DGKB: variants seen among roughly 807,000 people sequenced by gnomAD.
DGKB encodes the protein 90 kDa diacylglycerol kinase.
A neutral mutation model predicts 114.3 loss-of-function variants in DGKB; 67 were observed. The ratio of observed to expected loss-of-function variants is 0.59; its 90% CI spans 0.48 to 0.72. DGKB has a LOEUF of 0.72. Among genes scored for constraint, DGKB ranks in the 30% least tolerant of loss-of-function variants. DGKB has a pLI of 0.00. For synonymous variants in DGKB, 398 were observed against 323.1 expected, an observed-to-expected ratio of 1.23 and a Z score of -2.49; for missense variants, 907 against 975.2, an observed-to-expected ratio of 0.93 and a Z score of 0.93.
At chr7:14,285,400 G>C (rs913813784) in intron 23 of DGKB, among the ~76,000 whole-genome samples, 1 of 152,178 alleles carries the variant, frequency 6.6e-6, no homozygotes, top group African/African-American at 2.4e-5. Context: ...GTCTCATACA[G>C]AAATGCCCTT....
chr7:14,176,621 G>A lies in DGKB; in HGVS notation c.2304+218C>T, dbSNP rs571866677. On this transcript the variant is annotated intron_variant, in intron 25 of 25. Transcript: ENST00000402815. ...ATTTAAAAGATCTATTTATACTTAG[G>A]CTAACACAAACATTCAAGAGCTAAA... The A allele has an allele frequency of 5.1e-5, 65 of 1,281,014 alleles. No homozygotes were observed. In the African/African-American group the frequency reaches 9.1e-4, roughly 18 times the overall value. The allele number at this position is 1,281,014 out of a possible 1,614,324, so 79.4% of individuals were successfully genotyped here.
intron 21 of DGKB, among the ~76,000 whole-genome samples, chr7:14,351,374 C>T (rs973095604): frequency 6.6e-6 from 1 of 152,130 alleles, no homozygotes; most frequent in African/African-American, 2.4e-5. Context: ...AAAAGCACTC[C>T]CAGAGTAGCT....
At chr7:14,397,715 G>A (rs891423739) in intron 21 of DGKB, among the ~76,000 whole-genome samples, 1 of 151,872 alleles carries the variant, frequency 6.6e-6, no homozygotes, top group South Asian at 2.1e-4. Flanking sequence ...GTTTGGTTAC[G>A]TTTTGTTTCA....
At chr7:14,807,522 T>A (rs1761280073) in intron 2 of DGKB, among the ~76,000 whole-genome samples, 1 of 151,994 alleles carries the variant, frequency 6.6e-6, no homozygotes, top group South Asian at 2.1e-4. Context: ...TATGAAGAAT[T>A]AGAATTCAAA....
At chr7:14,595,980 T>G (rs1040180995) in intron 17 of DGKB, among the ~76,000 whole-genome samples, 3 of 152,154 alleles carry the variant, frequency 2.0e-5, no homozygotes, top group African/African-American at 7.2e-5. Flanking sequence ...TTCAATTTTT[T>G]GTTCAATGAC....
At chr7:14,267,166 A>G (rs1352248729) in intron 23 of DGKB, among the ~76,000 whole-genome samples, 3 of 152,054 alleles carry the variant, frequency 2.0e-5, no homozygotes. Flanking sequence ...TGACCAAAAG[A>G]AAAAAACAGA....
intron 1 of DGKB, among the ~76,000 whole-genome samples, chr7:14,973,538 CTTTT>C (rs1221267709): frequency 2.4e-4 from 28 of 119,098 alleles, no homozygotes; most frequent in African/African-American, 7.0e-4. Context: ...TTTTTTTTTT[CTTTT>C]TTTTTTCTTT....
chr7:14,484,315 A>G (rs916802488), intron 20 of DGKB, among the ~76,000 whole-genome samples: 1 of 152,172 alleles, frequency 6.6e-6, no homozygotes, highest in Admixed American at 6.6e-5. Context: ...ACGCGACAAT[A>G]TAGTGTAGAT....
intron 4 of DGKB, among the ~76,000 whole-genome samples, chr7:14,750,834 T>G (rs10234845): frequency 0.23 from 28,812 of 125,032 alleles, 4,546 homozygotes; most frequent in African/African-American, 0.43. Flanking sequence ...AGAGTCTCAC[T>G]CTGTTGTTGC....
At chr7:14,821,390 C>T (rs1170122645) in intron 2 of DGKB, among the ~76,000 whole-genome samples, 2 of 152,078 alleles carry the variant, frequency 1.3e-5, no homozygotes, top group African/African-American at 2.4e-5. Context: ...AATCCAATCA[C>T]ATTAACTGTG....
intron 2 of DGKB, among the ~76,000 whole-genome samples, chr7:14,821,792 G>A (rs1057124390): frequency 2.0e-5 from 3 of 152,174 alleles, no homozygotes; most frequent in African/African-American, 4.8e-5. Flanking sequence ...TGGAGGACAT[G>A]TTGGAGAGAG....
chr7:14,828,108 C>A (rs925769952), intron 2 of DGKB, among the ~76,000 whole-genome samples: 20 of 151,904 alleles, frequency 1.3e-4, no homozygotes, highest in African/African-American at 4.8e-4. Flanking sequence ...TCTTAACAAC[C>A]TAGACAAGAG....
chr7:14,870,294 A>G (rs1160106705), intron 1 of DGKB, among the ~76,000 whole-genome samples: 1 of 152,132 alleles, frequency 6.6e-6, no homozygotes, highest in African/African-American at 2.4e-5. Flanking sequence ...TCTGCATTTT[A>G]TGTGCTCAAA....
chr7:14,741,656 C>G (rs972019108), intron 4 of DGKB, among the ~76,000 whole-genome samples: 1 of 152,196 alleles, frequency 6.6e-6, no homozygotes, highest in African/African-American at 2.4e-5. Context: ...TGTGAATCTT[C>G]CTTTCTCTGA....
intron 1 of DGKB, among the ~76,000 whole-genome samples, chr7:14,899,418 T>C (rs1209358760): frequency 2.0e-5 from 3 of 152,088 alleles, no homozygotes; most frequent in Non-Finnish European, 4.4e-5. Flanking sequence ...ATGTTTTGAG[T>C]CTGCACTTTA....
intron 4 of DGKB, among the ~76,000 whole-genome samples, chr7:14,746,212 T>C (rs913728162): frequency 6.6e-5 from 10 of 152,112 alleles, no homozygotes; most frequent in Admixed American, 2.0e-4. Context: ...CATGTGCCTA[T>C]TGTCACAGCT....
At chr7:14,321,725 T>C (rs142928940) in intron 23 of DGKB, among the ~76,000 whole-genome samples, 1 of 152,202 alleles carries the variant, frequency 6.6e-6, no homozygotes, top group Non-Finnish European at 1.5e-5. Flanking sequence ...TTAGAATTGA[T>C]AAGTGATTTT....
chr7:14,564,210 G>C (rs1797069404), intron 20 of DGKB, among the ~76,000 whole-genome samples: 1 of 152,130 alleles, frequency 6.6e-6, no homozygotes, highest in Non-Finnish European at 1.5e-5. Context: ...GGCTGGTTTT[G>C]CTGAAGCCAT....
chr7:14,752,162 A>T (rs190295072), intron 4 of DGKB, among the ~76,000 whole-genome samples: 3 of 152,226 alleles, frequency 2.0e-5, no homozygotes, highest in African/African-American at 7.2e-5. Flanking sequence ...TCCTTTCCAT[A>T]ATGGAAAGGG....
Sources: allele counts gnomAD v4.1 joint callset (sites outside exome capture counted in the v4.1 genomes callset), GRCh38; gene constraint gnomAD v4.1.1; transcripts MANE v1.5; gene names NCBI Gene and HGNC (gene_info 2026-07-23, HGNC 2026-07-21).